The following FRK variants were observed in gnomAD, a reference collection of about 807,000 sequenced individuals.
The protein encoded by FRK is fyn related Src family tyrosine kinase.
Under a neutral mutation model 56.4 loss-of-function variants are expected in FRK, and 51 were observed. The observed-to-expected ratio is 0.90, with a 90% CI of 0.72 to 1.14. The LOEUF is 1.14. FRK is among the 50% of genes most tolerant of loss of function. The pLI is 0.00. For missense variants in FRK, 570 were observed against 601.4 expected (o/e 0.95, Z 0.55); for synonymous variants, 245 against 217.9 (o/e 1.12, Z -1.10).
At chr6:115,948,131 T>C (rs1192366067) in intron 5 of FRK, among the ~76,000 whole-genome samples, 1 of 152,212 alleles carries the variant, frequency 6.6e-6, no homozygotes, top group African/African-American at 2.4e-5. Flanking sequence ...CCTGTTGTTC[T>C]CTCGCTTGCT....
the FRK span, among the ~76,000 whole-genome samples, chr6:116,092,086 C>T: frequency 6.6e-6 from 1 of 152,156 alleles, no homozygotes; most frequent in Non-Finnish European, 1.5e-5. Flanking sequence ...TTTCTAGTTT[C>T]TCCTATAAGA....
Position 115,938,815 on chromosome 6 carries a change from T to C in FRK, c.*3599A>G, listed in dbSNP as rs1397715173. On this transcript the variant is annotated 3_prime_UTR_variant, in exon 8 of 8. Coordinates refer to ENST00000606080, the MANE Select transcript of FRK (RefSeq NM_002031.3). ...AATAGACCAATAACAAGTTCTGAAA[T>C]TGAGGCAGTAATTAATAGCCTACCA... The C allele has an allele frequency of 6.6e-6, 1 of 152,068 alleles. No homozygotes were observed. Among genetic ancestry groups the C allele is most frequent in the Non-Finnish European group, 1.5e-5 (1 of 68,018 alleles). The allele number at this position is 152,068 out of a possible 1,614,324, so 9.4% of individuals were successfully genotyped here.
chr6:115,979,511 C>A (rs1182651942), intron 2 of FRK, among the ~76,000 whole-genome samples: 1 of 151,972 alleles, frequency 6.6e-6, no homozygotes, highest in East Asian at 1.9e-4. Flanking sequence ...AGCTAAAGTT[C>A]ATTTACCATT....
At chr6:116,055,747 T>TGG (rs1457183378) in intron 1 of FRK, among the ~76,000 whole-genome samples, 1 of 152,216 alleles carries the variant, frequency 6.6e-6, no homozygotes, top group African/African-American at 2.4e-5. Context: ...GCCTATAGAA[T>TGG]GGACTTAAGA....
At chr6:116,022,575 G>A (rs1327126688) in intron 1 of FRK, among the ~76,000 whole-genome samples, 2 of 152,108 alleles carry the variant, frequency 1.3e-5, no homozygotes, top group Admixed American at 1.3e-4. Flanking sequence ...AATAGATGCA[G>A]AAAAATCTTT....
intron 2 of FRK, among the ~76,000 whole-genome samples, chr6:115,983,046 T>C (rs1176588829): frequency 6.7e-6 from 1 of 149,172 alleles, no homozygotes; most frequent in Non-Finnish European, 1.5e-5. Flanking sequence ...CACTCCAGCC[T>C]GGGCAATAGA....
At chr6:115,944,223 T>C (rs1772324700) in intron 6 of FRK, 21 bp downstream of exon 6, 2 of 1,593,160 alleles carry the variant, frequency 1.3e-6, no homozygotes, top group Non-Finnish European at 1.7e-6. Context: ...CAAAAACTAA[T>C]TAAAACAAAA....
At chr6:116,001,564 T>C (rs1775065781) in intron 2 of FRK, among the ~76,000 whole-genome samples, 1 of 152,172 alleles carries the variant, frequency 6.6e-6, no homozygotes, top group South Asian at 2.1e-4. Flanking sequence ...TTACTTGCCT[T>C]GGCCAATCAT....
At chr6:116,069,077 G>C in the FRK span, among the ~76,000 whole-genome samples, 3 of 152,132 alleles carry the variant, frequency 2.0e-5, no homozygotes, top group Non-Finnish European at 4.4e-5. Flanking sequence ...CAGGTGATTT[G>C]TTCTTGCCTA....
At chr6:116,092,942 C>T in the FRK span, among the ~76,000 whole-genome samples, 2 of 152,170 alleles carry the variant, frequency 1.3e-5, no homozygotes, top group Admixed American at 1.3e-4. Context: ...GCACTATTGC[C>T]TGGTCCCAAT....
At chr6:115,996,864 T>C (rs1285754708) in intron 2 of FRK, among the ~76,000 whole-genome samples, 1 of 152,186 alleles carries the variant, frequency 6.6e-6, no homozygotes, top group Non-Finnish European at 1.5e-5. Flanking sequence ...AATTTGTAAG[T>C]TCAACATGAA....
At chr6:115,988,993 G>T (rs748563759) in intron 2 of FRK, among the ~76,000 whole-genome samples, 1 of 151,564 alleles carries the variant, frequency 6.6e-6, no homozygotes, top group Admixed American at 6.6e-5. Flanking sequence ...TCCAAAACCC[G>T]CACCAGGTCT....
At chr6:115,980,783 T>G (rs1483845847) in intron 2 of FRK, among the ~76,000 whole-genome samples, 2 of 152,094 alleles carry the variant, frequency 1.3e-5, no homozygotes, top group African/African-American at 2.4e-5. Flanking sequence ...AACTTAATGC[T>G]TAAAATTATA....
chr6:115,957,262 C>A (rs1562256038), intron 4 of FRK, among the ~76,000 whole-genome samples: 1 of 152,070 alleles, frequency 6.6e-6, no homozygotes, highest in East Asian at 1.9e-4. Flanking sequence ...GGAGGAGAGA[C>A]AATATTAAGG....
rs1023116789 is a variant in FRK, at chr6:116,026,622, GT to G, written c.345-22625del. On this transcript the variant is annotated intron_variant, in intron 1 of 7. Transcript: ENST00000606080. ...ACCTGCCCACCCACCATTAGGTTTT[GT>G]TTTTTTTTTAACTGATGATAAAATG... is the stretch of plus-strand genomic sequence containing the variant. Among the ~76,000 whole-genome samples the G allele has an allele frequency of 3.8e-3, 560 of 148,058 alleles. 3 individuals carry two copies. The highest frequency in any genetic ancestry group is 0.013 in the African/African-American group (520 of 40,454).
At chr6:116,078,398 T>G in the FRK span, among the ~76,000 whole-genome samples, 1 of 152,200 alleles carries the variant, frequency 6.6e-6, no homozygotes, top group African/African-American at 2.4e-5. Context: ...TGAGTCTAAC[T>G]AGCCTAGTGT....
At chr6:116,090,874 G>A in the FRK span, among the ~76,000 whole-genome samples, 1 of 152,238 alleles carries the variant, frequency 6.6e-6, no homozygotes, top group South Asian at 2.1e-4. Context: ...CTCAGCTGCT[G>A]GCAAATCAAC....
rs545637867 is a variant in FRK at position 115,980,981 on chromosome 6, T to A, written c.467-12242A>T. Among the ~76,000 whole-genome samples the A allele has an allele frequency of 5.9e-5, 9 of 152,270 alleles. No individual in the cohort carries two copies. In the South Asian group the frequency reaches 1.9e-3, roughly 32 times the overall value. ...GTCTTTTTTATGTTTAGCTATATTT[T>A]ATATTATGTTTCAGCATTATATGCT... On this transcript the variant is annotated intron_variant, in intron 2 of 7. Coordinates refer to ENST00000606080, the MANE Select transcript of FRK (RefSeq NM_002031.3).
chr6:116,039,497 C>T (rs1288350957), intron 1 of FRK: 7 of 1,463,422 alleles, frequency 4.8e-6, no homozygotes, highest in Non-Finnish European at 5.7e-6. Flanking sequence ...AAACAATGAG[C>T]CCCATCCATC....
Sources: gnomAD v4.1 joint callset for allele counts (sites outside exome capture counted in the v4.1 genomes callset) on GRCh38, gnomAD v4.1.1 for gene constraint, MANE v1.5 for transcripts, NCBI Gene and HGNC (gene_info 2026-07-23, HGNC 2026-07-21) for gene names.